Variants in MYOM3 observed in about 807,000 individuals in gnomAD.
MYOM3 encodes myomesin 3.
A neutral mutation model predicts 191.7 loss-of-function variants in MYOM3; 155 were observed. That is an observed-to-expected ratio of 0.81 (90% CI 0.71 to 0.92). The LOEUF is 0.92. Ranked by LOEUF, MYOM3 falls within the 40% of genes least tolerant of loss-of-function variation. The pLI is 0.00. For synonymous variants in MYOM3, 757 were observed against 762.9 expected, an observed-to-expected ratio of 0.99 and a Z score of 0.13; for missense variants, 1,889 against 1,890.6, an observed-to-expected ratio of 1.00 and a Z score of 0.02.
chr1:24,095,406 A>G (rs1200080333), intron 8 of MYOM3, 36 bp downstream of exon 8: 2 of 1,596,984 alleles, frequency 1.3e-6, no homozygotes, highest in Admixed American at 3.4e-5. Context: ...GCCTGAACAA[A>G]GAATCCCAGG....
chr1:24,076,507 C>CTTTTTTTTTTTT (rs558326490), intron 20 of MYOM3, among the ~76,000 whole-genome samples: 3 of 49,106 alleles, frequency 6.1e-5, no homozygotes, highest in South Asian at 6.9e-4. Flanking sequence ...CCTAATGTTT[C>CTTTTTTTTTTTT]TTTTTTTTTT....
chr1:24,092,061 C>T (rs889090167), intron 11 of MYOM3, 113 bp downstream of exon 11: 6 of 1,048,434 alleles, frequency 5.7e-6, no homozygotes, highest in Admixed American at 3.3e-5. Context: ...TTCTGAGGAG[C>T]GGGGGTGTGA....
At chr1:24,067,456 C>CTTCTTTCT (rs201516438) in intron 27 of MYOM3, among the ~76,000 whole-genome samples, 74 of 110,380 alleles carry the variant, frequency 6.7e-4, no homozygotes, top group Non-Finnish European at 9.5e-4. Flanking sequence ...TGTTTCCTTC[C>CTTCTTTCT]TTCTTTCTTT....
chr1:24,100,657 C>A (rs1248384143), intron 5 of MYOM3, among the ~76,000 whole-genome samples: 1 of 152,198 alleles, frequency 6.6e-6, no homozygotes, highest in Admixed American at 6.5e-5. Context: ...GAGGCTGAGG[C>A]GGGCGGATCA....
At chr1:24,093,557 G>T (rs960401509) in intron 9 of MYOM3, among the ~76,000 whole-genome samples, 3 of 151,936 alleles carry the variant, frequency 2.0e-5, no homozygotes, top group African/African-American at 4.8e-5. Context: ...GACGTGTCGT[G>T]GGGTCAGGGG....
In MYOM3 at chr1:24,079,303, T is replaced by C. The variant is rs1320499128; in HGVS notation, c.2586+713A>G. ...CAGCCTGGACCTCTGTGGGCTCAGG[T>C]GATCCTCCCACTTCAGCCTCCCGAG... On this transcript the variant is annotated intron_variant, in intron 20 of 36. Transcript: ENST00000374434. 2.0e-5 allele frequency among the ~76,000 whole-genome samples: 3 copies of C among 151,880 alleles called. No individual in the cohort carries two copies. The East Asian group carries it at 5.8e-4, about 29-fold the overall frequency.
Position 24,067,043 on chromosome 1 carries a change from C to T in MYOM3, c.3401G>A (p.Cys1134Tyr), listed in dbSNP as rs1182906305. 4.4e-6 allele frequency: 7 copies of T among 1,576,834 alleles called. No individual in the cohort carries two copies. Among genetic ancestry groups the T allele is most frequent in the Non-Finnish European group, 5.2e-6 (6 of 1,159,266 alleles). Reference protein sequence around the residue: ...RPLQWKVTEDCQVQLTCKVTN... With the variant: ...RPLQWKVTEDYQVQLTCKVTN... ...TGCCTTGCACGTCAGCTGCACTTGGCAGTCCTCCGTGACCTTCCACTGCAA... is the reference window on the plus strand; with the variant it reads ...TGCCTTGCACGTCAGCTGCACTTGGTAGTCCTCCGTGACCTTCCACTGCAA... Residue 1134 changes from cysteine (C) to tyrosine (Y), a missense_variant, in exon 28 of 37, where the codon TGC becomes TAC. By Grantham distance (194) the Cys-to-Tyr change is radical (BLOSUM62 -2). Transcript: ENST00000374434.
At chr1:24,061,638 G>A (rs974716423) in intron 33 of MYOM3, among the ~76,000 whole-genome samples, 4 of 152,110 alleles carry the variant, frequency 2.6e-5, no homozygotes, top group African/African-American at 9.6e-5. Flanking sequence ...AGAGTACAGT[G>A]GTGTGATCAC....
At chr1:24,082,450 C>T in intron 17 of MYOM3, 143 bp downstream of exon 17, 1 of 1,198,576 alleles carries the variant, frequency 8.3e-7, no homozygotes, top group East Asian at 2.7e-5. Context: ...AAGGAAAGGG[C>T]AGCCAGGGCC....
At chr1:24,100,520 C>T (rs577756430) in intron 5 of MYOM3, among the ~76,000 whole-genome samples, 2 of 152,326 alleles carry the variant, frequency 1.3e-5, no homozygotes, top group East Asian at 1.9e-4. Flanking sequence ...ACCCCTGCCG[C>T]TCTTCCCAAC....
At chr1:24,085,910 T>G (rs1020558173) in intron 15 of MYOM3, among the ~76,000 whole-genome samples, 1 of 152,186 alleles carries the variant, frequency 6.6e-6, no homozygotes. Flanking sequence ...TTTGAAATCT[T>G]CCCCAAATGG....
intron 15 of MYOM3, among the ~76,000 whole-genome samples, chr1:24,086,398 C>G (rs1024869217): frequency 1.3e-5 from 2 of 152,130 alleles, no homozygotes; most frequent in African/African-American, 4.8e-5. Context: ...GCTGTGCACT[C>G]TAACCCATGC....
chr1:24,087,292 C>T lies in MYOM3; in HGVS notation c.1615-465G>A, dbSNP rs1420280142. Among the ~76,000 whole-genome samples, 3 of 152,186 alleles carry T rather than the reference C, an allele frequency of 2.0e-5. No individual in the cohort carries two copies. Among genetic ancestry groups the T allele is most frequent in the Non-Finnish European group, 2.9e-5 (2 of 68,030 alleles). ...CCCCGCACCTGAACGATCTCAATGG[C>T]CTCTTGACTGGTCTCCCCTCCATTT... On this transcript the variant is annotated intron_variant, in intron 14 of 36. Coordinates refer to ENST00000374434, the MANE Select transcript of MYOM3 (RefSeq NM_152372.4). This position sits in a 1 kb window ranked among gnomAD's most constrained non-coding sequence, Gnocchi z 4.5.
Position 24,082,027 on chromosome 1 carries a change from G to C in MYOM3, c.2254C>G (p.Gln752Glu). The change falls in exon 18 of 37, where the codon CAG (glutamine) becomes GAG (glutamate). Residue 752 changes from glutamine (Q) to glutamate (E), a missense_variant. By Grantham distance (29) the Gln-to-Glu change is conservative. Transcript: ENST00000374434. ...EELDWHAVNQ[Q>E]PIPTRVCKVS... ...TTGCAGACCCGGGTGGGGATGGGCT[G>C]CTGATTGACCGCATGCCAGTCCAGC... 3.1e-6 allele frequency: 5 copies of C among 1,611,672 alleles called. No homozygotes were observed. Among genetic ancestry groups the C allele is most frequent in the Non-Finnish European group, 4.2e-6 (5 of 1,179,690 alleles).
chr1:24,080,183 C>T lies in MYOM3; in HGVS notation c.2419G>A (p.Asp807Asn), dbSNP rs369456651. Reference protein sequence around the residue: ...WTMPQPGPPYDVRASEVRATS... With the variant: ...WTMPQPGPPYNVRASEVRATS... ...GCCCGCACCTCGGATGCCCGTACATCGTACGGGGGGCCTGTGACAAGTGAG... is the reference window on the plus strand; with the variant it reads ...GCCCGCACCTCGGATGCCCGTACATTGTACGGGGGGCCTGTGACAAGTGAG... The change falls in exon 20 of 37, where the codon GAT (aspartate) becomes AAT (asparagine). Residue 807 changes from aspartate to asparagine, a missense_variant. Coordinates refer to ENST00000374434, the MANE Select transcript of MYOM3 (RefSeq NM_152372.4). 132 of 1,610,858 alleles carry T rather than the reference C, an allele frequency of 8.2e-5. No individual in the cohort carries two copies. Among genetic ancestry groups the T allele is most frequent in the Middle Eastern group, 4.9e-4 (3 of 6,062 alleles).
Position 24,111,340 on chromosome 1 carries a change from C to T in MYOM3, c.-19+691G>A, listed in dbSNP as rs376882733. On this transcript the variant is annotated intron_variant, in intron 1 of 36. Transcript: ENST00000374434. The surrounding 1 kb of genome is among the most constrained non-coding windows in gnomAD (Gnocchi z 4.7). Reference sequence around the variant, plus strand: ...CTTCTTCAGGAGGGAAAGAGGAATGCACAGCAGTTGAGCCAAGACCCCTCC... The same window carrying T: ...CTTCTTCAGGAGGGAAAGAGGAATGTACAGCAGTTGAGCCAAGACCCCTCC... 8.5e-5 allele frequency among the ~76,000 whole-genome samples: 13 copies of T among 152,334 alleles called. No homozygotes were observed. In the East Asian group the frequency reaches 1.7e-3, roughly 20 times the overall value.
At chr1:24,090,515 G>A (rs1215128942) in intron 12 of MYOM3, among the ~76,000 whole-genome samples, 1 of 152,162 alleles carries the variant, frequency 6.6e-6, no homozygotes, top group Non-Finnish European at 1.5e-5. Flanking sequence ...CCCTCAGACT[G>A]GTCTCTCCCA....
intron 25 of MYOM3, 59 bp downstream of exon 25, chr1:24,071,058 C>A: frequency 6.3e-7 from 1 of 1,587,674 alleles, no homozygotes; most frequent in South Asian, 1.1e-5. Flanking sequence ...ATCACCATCC[C>A]GCGAGGCCAC....
intron 11 of MYOM3, among the ~76,000 whole-genome samples, chr1:24,091,728 G>C (rs982279590): frequency 6.6e-6 from 1 of 152,224 alleles, no homozygotes; most frequent in Non-Finnish European, 1.5e-5. Flanking sequence ...GGCAGCATTA[G>C]CTATTTTCTC....
Sources: allele counts gnomAD v4.1 joint callset (sites outside exome capture counted in the v4.1 genomes callset), GRCh38; gene constraint gnomAD v4.1.1; non-coding constraint Gnocchi (gnomAD v3.1); transcripts MANE v1.5; gene names NCBI Gene and HGNC (gene_info 2026-07-23, HGNC 2026-07-21).